The following CNTN4 variants were observed in gnomAD, a reference collection of about 807,000 sequenced individuals.
CNTN4 encodes the protein contactin 4.
In CNTN4, 77 loss-of-function variants were observed where a neutral mutation model predicts 122.5. The observed-to-expected ratio is 0.63, with a 90% confidence interval of 0.52 to 0.76. CNTN4 has a LOEUF of 0.76. CNTN4 is among the 30% of genes least tolerant of loss of function. The pLI is 0.00. For synonymous variants in CNTN4, 512 were observed against 447.0 expected (o/e 1.15, Z -1.83); for missense variants, 1,256 against 1,259.1 (o/e 1.00, Z 0.04).
At chr3:2,319,994 C>G (rs1007827726) in intron 2 of CNTN4, among the ~76,000 whole-genome samples, 6 of 152,148 alleles carry the variant, frequency 3.9e-5, no homozygotes, top group South Asian at 2.1e-4. Flanking sequence ...ATTATTACCT[C>G]CGTTTTACTT....
chr3:2,340,710 T>TATAGAGAGAGAGAGAGAGAGAGAGAG, intron 3 of CNTN4, among the ~76,000 whole-genome samples: 1 of 18,292 alleles, frequency 5.5e-5, no homozygotes, highest in African/African-American at 1.0e-4. Flanking sequence ...TATATATATA[T>TATAGAGAGAGAGAGAGAGAGAGAGAG]AGAGAGAGAG....
chr3:2,945,202 C>T (rs998894698), intron 13 of CNTN4, among the ~76,000 whole-genome samples: 3 of 151,988 alleles, frequency 2.0e-5, no homozygotes, highest in African/African-American at 7.2e-5. Flanking sequence ...CTGTATGGCA[C>T]CCTTATCATA....
At chr3:3,037,851 G>C (rs537149692) in intron 18 of CNTN4, among the ~76,000 whole-genome samples, 1 of 152,200 alleles carries the variant, frequency 6.6e-6, no homozygotes, top group African/African-American at 2.4e-5. Context: ...ATTCGAACAA[G>C]ACCAGTCAGC....
chr3:2,434,022 G>C (rs1247505917), intron 3 of CNTN4, among the ~76,000 whole-genome samples: 2 of 152,126 alleles, frequency 1.3e-5, no homozygotes, highest in Admixed American at 6.6e-5. Context: ...AGGGAAAGGG[G>C]AAATGTTGAT....
chr3:2,123,284 C>T (rs1033041469), intron 2 of CNTN4, among the ~76,000 whole-genome samples: 4 of 152,348 alleles, frequency 2.6e-5, no homozygotes, highest in African/African-American at 9.6e-5. Flanking sequence ...GAGTGCATTT[C>T]TCAAGGTCAA....
chr3:2,368,670 A>T (rs1454767927), intron 3 of CNTN4, among the ~76,000 whole-genome samples: 10 of 103,840 alleles, frequency 9.6e-5, no homozygotes, highest in Admixed American at 3.5e-4. Flanking sequence ...CTTAAATAAT[A>T]AAAAAAAACT....
At chr3:2,674,414 TG>T (rs2084717750) in intron 4 of CNTN4, among the ~76,000 whole-genome samples, 1 of 152,178 alleles carries the variant, frequency 6.6e-6, no homozygotes, top group African/African-American at 2.4e-5. Context: ...TTCTTTGTGT[TG>T]GGAAAATTTT....
At chr3:2,383,880 G>C (rs1179318156) in intron 3 of CNTN4, among the ~76,000 whole-genome samples, 1 of 151,342 alleles carries the variant, frequency 6.6e-6, no homozygotes, top group East Asian at 2.0e-4. Context: ...TCCTTGACTT[G>C]TGTTCTAATA....
chr3:2,170,088 G>A (rs888461406), intron 2 of CNTN4, among the ~76,000 whole-genome samples: 2 of 151,676 alleles, frequency 1.3e-5, no homozygotes, highest in Non-Finnish European at 2.9e-5. Flanking sequence ...TTGGGAGGCC[G>A]AGGCGGGAGG....
intron 6 of CNTN4, among the ~76,000 whole-genome samples, chr3:2,802,681 C>T (rs1391670798): frequency 1.3e-5 from 2 of 152,112 alleles, no homozygotes; most frequent in Non-Finnish European, 2.9e-5. Flanking sequence ...CCCTGTATTT[C>T]CCCTACGGTT....
At chr3:2,368,655 A>G (rs1226912902) in intron 3 of CNTN4, among the ~76,000 whole-genome samples, 9 of 146,188 alleles carry the variant, frequency 6.2e-5, no homozygotes, top group African/African-American at 2.4e-4. Flanking sequence ...TACCCTTCAC[A>G]TTTTCTTAAA....
chr3:2,990,962 A>G (rs1695001144), intron 14 of CNTN4, among the ~76,000 whole-genome samples: 1 of 152,190 alleles, frequency 6.6e-6, no homozygotes, highest in African/African-American at 2.4e-5. Context: ...AATAACAACA[A>G]TATTTCAAAA....
chr3:2,814,884 C>G (rs1293146181), intron 6 of CNTN4, among the ~76,000 whole-genome samples: 3 of 152,182 alleles, frequency 2.0e-5, no homozygotes, highest in South Asian at 4.1e-4. Context: ...AAGAAAAGTA[C>G]TTGGCCACAT....
At chr3:2,196,527 A>G (rs951787955) in intron 2 of CNTN4, among the ~76,000 whole-genome samples, 4 of 152,166 alleles carry the variant, frequency 2.6e-5, no homozygotes, top group Admixed American at 1.3e-4. Flanking sequence ...AGCATCTACT[A>G]TAGTGCTAGT....
At chr3:2,953,043 A>G (rs1290748495) in intron 13 of CNTN4, among the ~76,000 whole-genome samples, 1 of 152,232 alleles carries the variant, frequency 6.6e-6, no homozygotes, top group African/African-American at 2.4e-5. Context: ...AGACATAGAG[A>G]TGACTAAGTG....
intron 2 of CNTN4, among the ~76,000 whole-genome samples, chr3:2,336,348 A>G (rs144453902): frequency 6.8e-4 from 104 of 152,264 alleles, no homozygotes; most frequent in African/African-American, 2.3e-3. Context: ...ATTAATGTCA[A>G]TGTAAAAGCT....
At chr3:2,368,113 A>G (rs1310348007) in intron 3 of CNTN4, among the ~76,000 whole-genome samples, 1 of 148,492 alleles carries the variant, frequency 6.7e-6, no homozygotes, top group African/African-American at 2.5e-5. Flanking sequence ...GCTCACTGCA[A>G]GCTCTGCCTC....
intron 2 of CNTN4, among the ~76,000 whole-genome samples, chr3:2,307,606 C>T (rs1228050810): frequency 7.2e-6 from 1 of 138,360 alleles, no homozygotes; most frequent in Non-Finnish European, 1.5e-5. Flanking sequence ...TTTCTAGTTC[C>T]TTGAGTGTTT....
Position 2,781,764 on chromosome 3 carries a change from G to A in CNTN4, c.358+36067G>A, listed in dbSNP as rs564510889. ...TTTTGAGACGGAGTGTCGCTCTGTC[G>A]CCCAGGCTGGAGGGCAGTAGCGCGA... On this transcript the variant is annotated intron_variant, in intron 6 of 24. Transcript: ENST00000418658. 8.4e-4 allele frequency among the ~76,000 whole-genome samples: 97 copies of A among 114,898 alleles called. 6 individuals are homozygous for A. Among genetic ancestry groups the A allele is most frequent in the African/African-American group, 3.4e-3 (86 of 24,930 alleles). The allele number at this position is 114,898 out of a possible 152,430, so 75.4% of individuals were successfully genotyped here.
Sources: gnomAD v4.1 joint callset for allele counts (sites outside exome capture counted in the v4.1 genomes callset) on GRCh38, gnomAD v4.1.1 for gene constraint, MANE v1.5 for transcripts, NCBI Gene and HGNC (gene_info 2026-07-23, HGNC 2026-07-21) for gene names.